The following ASTN2 variants were observed in gnomAD, a reference collection of about 807,000 sequenced individuals.
ASTN2 encodes the protein astrotactin 2.
Under a neutral mutation model 139.8 loss-of-function variants are expected in ASTN2, and 54 were observed. The observed-to-expected ratio is 0.39, with a 90% CI of 0.31 to 0.48. ASTN2 has a LOEUF of 0.48. Among genes scored for constraint, ASTN2 ranks in the 20% least tolerant of loss-of-function variants. The pLI is 0.95. For missense variants in ASTN2, 1,565 were observed against 1,725.1 expected, an observed-to-expected ratio of 0.91 and a Z score of 1.64; for synonymous variants, 756 against 719.5, an observed-to-expected ratio of 1.05 and a Z score of -0.81.
chr9:117,265,012 T>G (rs996714361), intron 2 of ASTN2, among the ~76,000 whole-genome samples: 4 of 152,166 alleles, frequency 2.6e-5, no homozygotes, highest in African/African-American at 9.7e-5. Context: ...CTGTTTCAAC[T>G]AGAAAATCTC....
intron 3 of ASTN2, among the ~76,000 whole-genome samples, chr9:117,159,358 C>T (rs1389972281): frequency 6.6e-6 from 1 of 151,906 alleles, no homozygotes; most frequent in Non-Finnish European, 1.5e-5. Context: ...GTGCTGCATG[C>T]TTATTCTAAT....
chr9:117,125,268 T>G lies in ASTN2; in HGVS notation c.1168+16058A>C, dbSNP rs79692679. Among the ~76,000 whole-genome samples, 497 of 152,310 alleles carry G rather than the reference T, an allele frequency of 3.3e-3. 9 individuals carry two copies. The East Asian group carries it at 0.056, about 17-fold the overall frequency. On this transcript the variant is annotated intron_variant, in intron 4 of 22. Transcript: ENST00000313400. ...TTTACTTTTGAACTCTGGGTGGCATTTGGGGAGACAGTTGGTTAGAAAAAT... is the reference window on the plus strand; with the variant it reads ...TTTACTTTTGAACTCTGGGTGGCATGTGGGGAGACAGTTGGTTAGAAAAAT...
chr9:117,224,066 G>T (rs1484451013), intron 2 of ASTN2, among the ~76,000 whole-genome samples: 7 of 152,130 alleles, frequency 4.6e-5, no homozygotes, highest in Admixed American at 6.6e-5. Context: ...CAAAATCCTG[G>T]GAGAACATAC....
At chr9:116,678,351 T>C (rs1037545256) in intron 16 of ASTN2, among the ~76,000 whole-genome samples, 1 of 152,232 alleles carries the variant, frequency 6.6e-6, no homozygotes. Context: ...CCACCCCTAG[T>C]ACATAATTAA....
chr9:116,633,506 T>C (rs1302904525), intron 17 of ASTN2, among the ~76,000 whole-genome samples: 2 of 152,188 alleles, frequency 1.3e-5, no homozygotes, highest in African/African-American at 2.4e-5. Flanking sequence ...CTTTGATAGA[T>C]AGAAACTCGT....
intron 20 of ASTN2, among the ~76,000 whole-genome samples, chr9:116,462,787 CATGTGTGTGT>C (rs552603988): frequency 0.023 from 2,277 of 97,622 alleles, 75 homozygotes; most frequent in African/African-American, 0.08. Context: ...GTTGGGTGAG[CATGTGTGTGT>C]GTGTGTGTGT....
intron 4 of ASTN2, among the ~76,000 whole-genome samples, chr9:117,107,466 G>C (rs1195697071): frequency 1.3e-5 from 2 of 152,098 alleles, no homozygotes; most frequent in East Asian, 1.9e-4. Flanking sequence ...TGTATCTTCT[G>C]TAACACTGGG....
Position 116,649,809 on chromosome 9 carries a change from C to A in ASTN2, c.3072+1719G>T, listed in dbSNP as rs116338007. ...CATCAGCCTCCTGCCAATAACCATG[C>A]ATCATCATCACCTCATGGCCCACAG... On this transcript the variant is annotated intron_variant, in intron 17 of 22. Coordinates refer to ENST00000313400, the MANE Select transcript of ASTN2 (RefSeq NM_001365068.1). Among the ~76,000 whole-genome samples, 1,512 of 152,268 alleles carry A rather than the reference C, an allele frequency of 9.9e-3. 30 individuals are homozygous for A. Among genetic ancestry groups the A allele is most frequent in the African/African-American group, 0.035 (1,458 of 41,550 alleles).
chr9:116,808,985 A>T (rs1176649968), intron 12 of ASTN2, among the ~76,000 whole-genome samples: 1 of 151,666 alleles, frequency 6.6e-6, no homozygotes, highest in East Asian at 1.9e-4. Flanking sequence ...TTCTATTGTG[A>T]TATTTGCCTT....
At position 116,423,398 on chromosome 9, in the gene ASTN2, G is replaced by C. The variant is rs140594187; in HGVS notation, c.*2453C>G. ...TAAGGGCAATAGCTGGTGAATAGCA[G>C]TGTTGTCAGATTCAAACTTAATCAG... On this transcript the variant is annotated 3_prime_UTR_variant, in exon 23 of 23. Coordinates refer to ENST00000313400, the MANE Select transcript of ASTN2 (RefSeq NM_001365068.1). 1.8e-4 allele frequency among the ~76,000 whole-genome samples: 28 copies of C among 152,296 alleles called. No homozygotes were observed. In the East Asian group the frequency reaches 5.0e-3, roughly 27 times the overall value.
intron 10 of ASTN2, among the ~76,000 whole-genome samples, chr9:116,886,025 A>G (rs1201733632): frequency 1.3e-5 from 2 of 152,178 alleles, no homozygotes; most frequent in African/African-American, 4.8e-5. Flanking sequence ...CTATTTAGAG[A>G]AGGTTGGGGA....
intron 20 of ASTN2, among the ~76,000 whole-genome samples, chr9:116,461,031 G>A (rs190773146): frequency 1.0e-3 from 155 of 152,124 alleles, no homozygotes; most frequent in Non-Finnish European, 4.7e-4. Context: ...CCTCTGGCAT[G>A]TTCCCAATAA....
intron 19 of ASTN2, chr9:116,543,889 C>G (rs917407961): frequency 6.6e-6 from 1 of 152,134 alleles, no homozygotes; most frequent in South Asian, 2.1e-4. Context: ...GCCCAGTGGA[C>G]AAACACTGAT....
At chr9:116,986,630 C>T (rs1836690732) in intron 7 of ASTN2, among the ~76,000 whole-genome samples, 1 of 152,196 alleles carries the variant, frequency 6.6e-6, no homozygotes, top group Non-Finnish European at 1.5e-5. Context: ...TTTAGATTAA[C>T]TCACATGATC....
chr9:116,768,401 ATCCTGTGACTTCCCAGCATCTGGTGTTTC>A (rs1230287896), intron 13 of ASTN2, among the ~76,000 whole-genome samples: 3 of 152,106 alleles, frequency 2.0e-5, no homozygotes, highest in Admixed American at 2.0e-4. Context: ...TCTCCTGGAG[ATCCTGTGACTTCCCAGCATCTGGTGTTTC>A]TCTGCCTCCC....
intron 20 of ASTN2, among the ~76,000 whole-genome samples, chr9:116,479,911 T>C (rs1394414671): frequency 6.6e-6 from 1 of 152,130 alleles, no homozygotes; most frequent in Non-Finnish European, 1.5e-5. Context: ...GATAAACTGG[T>C]TGGAAATCTG....
chr9:117,284,238 G>A (rs1834393250), intron 2 of ASTN2, among the ~76,000 whole-genome samples: 1 of 152,142 alleles, frequency 6.6e-6, no homozygotes, highest in Non-Finnish European at 1.5e-5. Context: ...TGAGTAGCTA[G>A]GACCACAGGC....
At chr9:116,574,897 G>A (rs1853663277) in intron 19 of ASTN2, among the ~76,000 whole-genome samples, 1 of 152,150 alleles carries the variant, frequency 6.6e-6, no homozygotes, top group Non-Finnish European at 1.5e-5. Flanking sequence ...AAGTGCAGCA[G>A]CCTGGCATTC....
chr9:117,222,926 A>C (rs1832574453), intron 2 of ASTN2, among the ~76,000 whole-genome samples: 1 of 152,168 alleles, frequency 6.6e-6, no homozygotes, highest in South Asian at 2.1e-4. Flanking sequence ...AAAACCATAC[A>C]ACCAAGTAGA....
Sources: allele counts gnomAD v4.1 joint callset (sites outside exome capture counted in the v4.1 genomes callset), GRCh38; gene constraint gnomAD v4.1.1; transcripts MANE v1.5; gene names NCBI Gene and HGNC (gene_info 2026-07-23, HGNC 2026-07-21).